The following STKLD1 variants were observed in gnomAD, a reference collection of about 807,000 sequenced individuals.
STKLD1 encodes serine/threonine kinase-like domain-containing protein STKLD1.
In STKLD1, 79 loss-of-function variants were observed where a neutral mutation model predicts 80.4. That is an observed-to-expected ratio of 0.98 (90% CI 0.82 to 1.19). The LOEUF (loss-of-function observed/expected upper bound fraction) is 1.19, where lower values mean the gene tolerates loss of function less well. Among genes scored for constraint, STKLD1 ranks in the 50% most tolerant of loss-of-function variants. The pLI is 0.00. For synonymous variants in STKLD1, 393 were observed against 357.6 expected (o/e 1.10, Z -1.12); for missense variants, 841 against 856.0 (o/e 0.98, Z 0.22).
intron 2 of STKLD1, among the ~76,000 whole-genome samples, chr9:133,383,332 ATGGT>A (rs1838190783): frequency 0.035 from 63 of 1,790 alleles, no homozygotes; most frequent in African/African-American, 0.081. Context: ...GATGGTGGTG[ATGGT>A]GATGGTGATG....
chr9:133,384,086 C>T lies in STKLD1; in HGVS notation c.219+186C>T, dbSNP rs1391715154. ...TCATGAAGGGAGTCCATGCCCCAAACACTCACTGCTAAATGCAGGTGCCGA... is the reference window on the plus strand; with the variant it reads ...TCATGAAGGGAGTCCATGCCCCAAATACTCACTGCTAAATGCAGGTGCCGA... On this transcript the variant is annotated intron_variant, in intron 3 of 17. Transcript: ENST00000371957. This position sits in a 1 kb window ranked among gnomAD's most constrained non-coding sequence, Gnocchi z 4.3. 4 of 602,592 alleles carry T rather than the reference C, an allele frequency of 6.6e-6. No individual in the cohort carries two copies. In the South Asian group the frequency reaches 7.7e-5, roughly 12 times the overall value. The allele number at this position is 602,592 out of a possible 1,614,324, so 37.3% of individuals were successfully genotyped here.
chr9:133,404,153 A>G, intron 16 of STKLD1, 105 bp downstream of exon 16: 1 of 1,386,444 alleles, frequency 7.2e-7, no homozygotes, highest in East Asian at 2.4e-5. Context: ...CAGAAGCAAC[A>G]AATCAAAAAG....
Position 133,394,351 on chromosome 9 carries a change from C to G in STKLD1, c.644C>G (p.Ser215Ter), listed in dbSNP as rs1554776395. Reference protein sequence around the residue: ...EALNFSFSQKSDIWSLGCIIL... With the variant: ...EALNFSFSQK ...CTCAACTTCTCCTTCAGCCAGAAAT[C>G]AGACATCTGGTCCCTGGGCTGCATC... The change falls in exon 8 of 18, where the codon TCA (serine) becomes TGA (stop). Residue 215 changes from serine (S) to a stop codon, truncating the protein, a stop_gained. Transcript: ENST00000371957. LOFTEE classifies it high-confidence loss of function. The surrounding 1 kb of genome is among the most constrained non-coding windows in gnomAD (Gnocchi z 4.9). 3.1e-6 allele frequency: 5 copies of G among 1,613,956 alleles called. No individual in the cohort carries two copies. Among genetic ancestry groups the G allele is most frequent in the East Asian group, 2.2e-5 (1 of 44,864 alleles).
At chr9:133,393,228 T>TGGATGGATGGG (rs1396711710) in intron 7 of STKLD1, among the ~76,000 whole-genome samples, 1 of 73,610 alleles carries the variant, frequency 1.4e-5, no homozygotes, top group African/African-American at 5.0e-5. Flanking sequence ...GGATGGATGG[T>TGGATGGATGGG]TGGACGGATG....
At chr9:133,404,163 GGAAAA>G in intron 16 of STKLD1, 115 bp downstream of exon 16, 1 of 1,330,872 alleles carries the variant, frequency 7.5e-7, no homozygotes. Context: ...AAATCAAAAA[GGAAAA>G]GAAATTAAAA....
At chr9:133,402,220 G>A (rs1554777822) in intron 13 of STKLD1, among the ~76,000 whole-genome samples, 1 of 152,114 alleles carries the variant, frequency 6.6e-6, no homozygotes, top group African/African-American at 2.4e-5. Context: ...CATTCCATAG[G>A]GCCCAGTGGG....
At chr9:133,376,980 G>A (rs192691523) in intron 1 of STKLD1, among the ~76,000 whole-genome samples, 34 of 152,282 alleles carry the variant, frequency 2.2e-4, no homozygotes, top group Admixed American at 4.6e-4. Context: ...AACACAAAAG[G>A]AAAGCTGCAA....
chr9:133,400,139 T>C (rs1554777353), intron 11 of STKLD1, among the ~76,000 whole-genome samples: 1 of 152,176 alleles, frequency 6.6e-6, no homozygotes, highest in Non-Finnish European at 1.5e-5. Flanking sequence ...GAGCAGGTGC[T>C]TTCATCCTGC....
At position 133,389,317 on chromosome 9, in the gene STKLD1, A is replaced by G; in HGVS notation, c.397-209A>G. On this transcript the variant is annotated intron_variant, in intron 5 of 17. Coordinates refer to ENST00000371957, the MANE Select transcript of STKLD1 (RefSeq NM_153710.5). This position sits in a 1 kb window ranked among gnomAD's most constrained non-coding sequence, Gnocchi z 6.4. Reference sequence around the variant, plus strand: ...ACAGCAGTGTGGAGTCTGGAAACTCAGAGTCCTTCTGGCTGCCGCCGCGGC... The same window carrying G: ...ACAGCAGTGTGGAGTCTGGAAACTCGGAGTCCTTCTGGCTGCCGCCGCGGC... 1.0e-6 allele frequency: 1 copy of G among 985,306 alleles called. No individual in the cohort carries two copies. Among genetic ancestry groups the G allele is most frequent in the South Asian group, 4.7e-5 (1 of 21,268 alleles). 61.0% of individuals were successfully genotyped at this position (985,306 alleles called of 1,614,324 possible). A position where few individuals can be genotyped will look rare whatever the true frequency, so the allele number is the denominator to read the frequency against.
Position 133,405,100 on chromosome 9 carries a change from G to A in STKLD1, c.1874-152G>A, listed in dbSNP as rs993643933. On this transcript the variant is annotated intron_variant, in intron 17 of 17. Coordinates refer to ENST00000371957, the MANE Select transcript of STKLD1 (RefSeq NM_153710.5). ...CTTCTGAGCACCAGGGGTTGTCCTGGCTGAGGGTGACGCTTGGGGCTCCGG... is the reference window on the plus strand; with the variant it reads ...CTTCTGAGCACCAGGGGTTGTCCTGACTGAGGGTGACGCTTGGGGCTCCGG... The A allele has an allele frequency of 3.1e-6, 4 of 1,305,708 alleles. No individual in the cohort carries two copies. The African/African-American group carries it at 4.5e-5, about 15-fold the overall frequency. The allele number at this position is 1,305,708 out of a possible 1,614,324, so 80.9% of individuals were successfully genotyped here. A position where few individuals can be genotyped will look rare whatever the true frequency, so the allele number is the denominator to read the frequency against.
At position 133,389,399 on chromosome 9, in the gene STKLD1, G is replaced by A; in HGVS notation, c.397-127G>A. Reference sequence around the variant, plus strand: ...CTCCTCCACCCTGAGCGCTTGGCTGGCTTCAGGCCTGTCTCAAGATGCAAG... The same window carrying A: ...CTCCTCCACCCTGAGCGCTTGGCTGACTTCAGGCCTGTCTCAAGATGCAAG... On this transcript the variant is annotated intron_variant, in intron 5 of 17. Transcript: ENST00000371957. The surrounding 1 kb of genome is among the most constrained non-coding windows in gnomAD (Gnocchi z 6.4). 1 of 1,468,976 alleles carries A rather than the reference G, an allele frequency of 6.8e-7. No homozygotes were observed. Among genetic ancestry groups the A allele is most frequent in the Non-Finnish European group, 9.0e-7 (1 of 1,105,830 alleles). The allele number at this position is 1,468,976 out of a possible 1,614,324, so 91.0% of individuals were successfully genotyped here.
At chr9:133,403,568 GAC>G in intron 14 of STKLD1, 130 bp from the exon 15 acceptor site, 3 of 1,167,626 alleles carry the variant, frequency 2.6e-6, no homozygotes, top group Non-Finnish European at 3.6e-6. Flanking sequence ...CGTCTCTGAG[GAC>G]AGTTGACCTT....
chr9:133,395,764 G>C lies in STKLD1; in HGVS notation c.866+1G>C, dbSNP rs1554776638. 6.2e-7 allele frequency: 1 copy of C among 1,613,168 alleles called. No individual in the cohort carries two copies. The highest frequency in any genetic ancestry group is 8.5e-7 in the Non-Finnish European group (1 of 1,179,856). Reference sequence around the variant, plus strand: ...ACCCCTCGGATCGAATAACGATAAAGTGAGCTCAGGGTCGGGGTTTATTTT... The same window carrying C: ...ACCCCTCGGATCGAATAACGATAAACTGAGCTCAGGGTCGGGGTTTATTTT... On this transcript the variant is annotated splice_donor_variant, in intron 9 of 17. Coordinates refer to ENST00000371957, the MANE Select transcript of STKLD1 (RefSeq NM_153710.5). LOFTEE classifies it high-confidence loss of function.
rs2130284740 is a variant in STKLD1 at position 133,389,622 on chromosome 9, G to A, written c.467+26G>A. On this transcript the variant is annotated intron_variant, in intron 6 of 17. Transcript: ENST00000371957. The surrounding 1 kb of genome is among the most constrained non-coding windows in gnomAD (Gnocchi z 6.4). ...GTAAGTGGGGCCCCTGACCTCTGCG[G>A]ACTGGCTGGCTGCTTCGGGAGAAAA... The A allele has an allele frequency of 6.2e-7, 1 of 1,612,802 alleles. No homozygotes were observed.
chr9:133,394,786 C>T lies in STKLD1; in HGVS notation c.702+377C>T. 1 of 221,864 alleles carries T rather than the reference C, an allele frequency of 4.5e-6. No homozygotes were observed. Among genetic ancestry groups the T allele is most frequent in the East Asian group, 1.1e-4 (1 of 9,054 alleles). The allele number at this position is 221,864 out of a possible 1,614,324, so 13.7% of individuals were successfully genotyped here. A position where few individuals can be genotyped will look rare whatever the true frequency, so the allele number is the denominator to read the frequency against. On this transcript the variant is annotated intron_variant, in intron 8 of 17. Transcript: ENST00000371957. This position sits in a 1 kb window ranked among gnomAD's most constrained non-coding sequence, Gnocchi z 4.9. ...CCAGTGTGGGCCTGAACACACCTGG[C>T]TGTCTCATGCACAAGCCCCAGGCTG...
At position 133,390,589 on chromosome 9, in the gene STKLD1, C is replaced by A; in HGVS notation, c.468-92C>A. 1.1e-6 allele frequency: 1 copy of A among 885,330 alleles called. No homozygotes were observed. The highest frequency in any genetic ancestry group is 1.9e-6 in the Non-Finnish European group (1 of 533,802). The allele number at this position is 885,330 out of a possible 1,614,324, so 54.8% of individuals were successfully genotyped here. On this transcript the variant is annotated intron_variant, in intron 6 of 17. Coordinates refer to ENST00000371957, the MANE Select transcript of STKLD1 (RefSeq NM_153710.5). This position sits in a 1 kb window ranked among gnomAD's most constrained non-coding sequence, Gnocchi z 5.1. Reference sequence around the variant, plus strand: ...GGGGCAGGGAGCAGAGAGTCAGGCTCAGCACACACACTGGTCCCACCTGGG... The same window carrying A: ...GGGGCAGGGAGCAGAGAGTCAGGCTAAGCACACACACTGGTCCCACCTGGG...
At position 133,387,499 on chromosome 9, in the gene STKLD1, A is replaced by G; in HGVS notation, c.347A>G (p.Gln116Arg). Reference protein sequence around the residue: ...LVMEFNELSFQEVIEDKRKAK... With the variant: ...LVMEFNELSFREVIEDKRKAK... Reference sequence around the variant, plus strand: ...ATGGAGTTCAATGAGCTCAGCTTCCAGGAGGTCATTGAGGATAAGAGGAAG... The same window carrying G: ...ATGGAGTTCAATGAGCTCAGCTTCCGGGAGGTCATTGAGGATAAGAGGAAG... Residue 116 changes from glutamine (Q) to arginine (R), a missense_variant, in exon 5 of 18, where the codon CAG (glutamine) becomes CGG (arginine). Transcript: ENST00000371957. 6.2e-7 allele frequency: 1 copy of G among 1,614,076 alleles called. No homozygotes were observed.
chr9:133,382,720 G>T (rs1209339075), intron 2 of STKLD1, among the ~76,000 whole-genome samples: 5 of 149,460 alleles, frequency 3.3e-5, no homozygotes, highest in African/African-American at 1.2e-4. Context: ...GATGGTGACA[G>T]TGGTGTTGAT....
intron 1 of STKLD1, among the ~76,000 whole-genome samples, chr9:133,378,554 C>T (rs1008569677): frequency 2.0e-5 from 3 of 152,228 alleles, no homozygotes; most frequent in African/African-American, 4.8e-5. Context: ...AATGTAAACA[C>T]AGAGGTAGCA....
Sources: gnomAD v4.1 joint callset for allele counts (sites outside exome capture counted in the v4.1 genomes callset) on GRCh38, gnomAD v4.1.1 for gene constraint, Gnocchi (gnomAD v3.1) non-coding constraint, MANE v1.5 for transcripts, NCBI Gene and HGNC (gene_info 2026-07-23, HGNC 2026-07-21) for gene names.